NFAT5: variants seen among roughly 807,000 people sequenced by gnomAD.
NFAT5 encodes the protein nuclear factor of activated T-cells 5.
NFAT5 carries 31 observed loss-of-function variants against 166.5 expected under a neutral mutation model. The observed-to-expected ratio is 0.19, with a 90% CI of 0.14 to 0.25. The LOEUF is 0.25. Among genes scored for constraint, NFAT5 ranks in the 10% least tolerant of loss-of-function variants. NFAT5 has a pLI of 1.00. For missense variants in NFAT5, 1,449 were observed against 1,821.8 expected (o/e 0.80, Z 3.72); for synonymous variants, 612 against 639.7 (o/e 0.96, Z 0.65).
At chr16:69,572,442 TA>T (rs2016498223) in intron 2 of NFAT5, among the ~76,000 whole-genome samples, 1 of 139,830 alleles carries the variant, frequency 7.2e-6, no homozygotes, top group Non-Finnish European at 1.5e-5. Context: ...ACATGGTTTA[TA>T]TATTTTTTTT....
chr16:69,631,803 GT>G (rs1478588106), intron 3 of NFAT5, among the ~76,000 whole-genome samples: 2 of 151,992 alleles, frequency 1.3e-5, no homozygotes, highest in Admixed American at 6.6e-5. Context: ...CTTCATAGCA[GT>G]TTTTAACATG....
chr16:69,571,752 T>C (rs192202238), intron 2 of NFAT5, among the ~76,000 whole-genome samples: 2 of 151,570 alleles, frequency 1.3e-5, no homozygotes, highest in African/African-American at 2.4e-5. Flanking sequence ...GTATTATTAT[T>C]ATTATTTATT....
At chr16:69,588,977 C>CTTTTT (rs1409931325) in intron 2 of NFAT5, among the ~76,000 whole-genome samples, 1 of 78,566 alleles carries the variant, frequency 1.3e-5, no homozygotes, top group African/African-American at 4.3e-5. Context: ...TCTTTTCCTA[C>CTTTTT]TTCTTTTTTT....
chr16:69,677,470 G>A lies in NFAT5; in HGVS notation c.1690+135G>A, dbSNP rs920732881. 64 of 683,720 alleles carry A rather than the reference G, an allele frequency of 9.4e-5. No homozygotes were observed. In the African/African-American group the frequency reaches 1.1e-3, roughly 11 times the overall value. 42.4% of individuals were successfully genotyped at this position (683,720 alleles called of 1,614,324 possible). A position where few individuals can be genotyped will look rare whatever the true frequency, so the allele number is the denominator to read the frequency against. ...ATTGATGTTAGTTTCTTTTGGAAAT[G>A]ACATTATTTTCTAAGAGGACAGCCG... On this transcript the variant is annotated intron_variant, in intron 10 of 14. Coordinates refer to ENST00000349945, the MANE Select transcript of NFAT5 (RefSeq NM_138713.4).
chr16:69,687,447 A>AG (rs1555533269), intron 11 of NFAT5, among the ~76,000 whole-genome samples: 4 of 151,880 alleles, frequency 2.6e-5, no homozygotes, highest in Admixed American at 2.6e-4. Context: ...AAAAAAAAAA[A>AG]AAAAAAAAGG....
chr16:69,652,912 C>T (rs577678993), intron 4 of NFAT5, among the ~76,000 whole-genome samples: 2 of 152,274 alleles, frequency 1.3e-5, no homozygotes, highest in East Asian at 3.9e-4. Context: ...GTTATAGTGA[C>T]ATTAGCTATT....
At chr16:69,580,143 T>C (rs1464588228) in intron 2 of NFAT5, among the ~76,000 whole-genome samples, 1 of 152,028 alleles carries the variant, frequency 6.6e-6, no homozygotes, top group Non-Finnish European at 1.5e-5. Flanking sequence ...ACTATTTTAA[T>C]GTAATATGTA....
rs2037594370 is a variant in NFAT5, at chr16:69,692,655, C to T, written c.2830C>T (p.Leu944Phe). 2 of 1,614,126 alleles carry T rather than the reference C, an allele frequency of 1.2e-6. No individual in the cohort carries two copies. Among genetic ancestry groups the T allele is most frequent in the African/African-American group, 2.7e-5 (2 of 74,938 alleles). ...TTCAACTGCTTCAGCAAATGGAAAC[C>T]TTCAGCAATCGCCAGTTTACCAGCA... is the stretch of plus-strand genomic sequence containing the variant. ...FPSTASANGN[L>F]QQSPVYQQTS... The change falls in exon 13 of 15, where the codon CTT (leucine) becomes TTT (phenylalanine). Residue 944 changes from leucine to phenylalanine, a missense_variant. Transcript: ENST00000349945.
intron 6 of NFAT5, among the ~76,000 whole-genome samples, chr16:69,658,513 G>T (rs905704329): frequency 2.0e-5 from 3 of 151,760 alleles, no homozygotes; most frequent in Admixed American, 6.6e-5. Flanking sequence ...GAAAACACAG[G>T]GTAAAAAAAG....
chr16:69,604,152 C>T lies in NFAT5; in HGVS notation c.128-22251C>T, dbSNP rs139315047. Reference sequence around the variant, plus strand: ...TAACTTGTCCAGGGGCACATAGAAGCAAGCAGCAGAGCTGGGATTTAAATG... The same window carrying T: ...TAACTTGTCCAGGGGCACATAGAAGTAAGCAGCAGAGCTGGGATTTAAATG... On this transcript the variant is annotated intron_variant, in intron 2 of 14. Coordinates refer to ENST00000349945, the MANE Select transcript of NFAT5 (RefSeq NM_138713.4). Among the ~76,000 whole-genome samples the T allele has an allele frequency of 6.0e-4, 92 of 152,222 alleles. 1 individual carries two copies. Among genetic ancestry groups the T allele is most frequent in the Middle Eastern group, 3.4e-3 (1 of 294 alleles).
At chr16:69,655,378 A>G (rs1220619084) in intron 5 of NFAT5, among the ~76,000 whole-genome samples, 2 of 152,144 alleles carry the variant, frequency 1.3e-5, no homozygotes, top group African/African-American at 4.8e-5. Context: ...ATCATCTAAC[A>G]TCTAAATTTA....
At chr16:69,650,679 T>C (rs2035626835) in intron 4 of NFAT5, among the ~76,000 whole-genome samples, 1 of 152,282 alleles carries the variant, frequency 6.6e-6, no homozygotes, top group Non-Finnish European at 1.5e-5. Flanking sequence ...AAACTAAAAT[T>C]TTCCCTTTTC....
chr16:69,647,733 A>T lies in NFAT5; in HGVS notation c.812+147A>T. ...ATCATTGAAATACATGAAAATTTTA[A>T]CTTAAAATTACCAACTTTTACTAGA... On this transcript the variant is annotated intron_variant, in intron 4 of 14. Coordinates refer to ENST00000349945, the MANE Select transcript of NFAT5 (RefSeq NM_138713.4). The surrounding 1 kb of genome is among the most constrained non-coding windows in gnomAD (Gnocchi z 4.8). 1.5e-6 allele frequency: 1 copy of T among 675,342 alleles called. No homozygotes were observed. Among genetic ancestry groups the T allele is most frequent in the Non-Finnish European group, 2.4e-6 (1 of 420,450 alleles). 41.8% of individuals were successfully genotyped at this position (675,342 alleles called of 1,614,324 possible).
At chr16:69,607,398 G>A (rs2033470885) in intron 2 of NFAT5, among the ~76,000 whole-genome samples, 1 of 152,160 alleles carries the variant, frequency 6.6e-6, no homozygotes, top group South Asian at 2.1e-4. Flanking sequence ...TGCAAAAAAA[G>A]AGAGATTACA....
chr16:69,581,428 T>C (rs1224858318), intron 2 of NFAT5, among the ~76,000 whole-genome samples: 1 of 152,222 alleles, frequency 6.6e-6, no homozygotes, highest in Non-Finnish European at 1.5e-5. Context: ...TATAGACAGA[T>C]GTTTTCATTT....
intron 3 of NFAT5, among the ~76,000 whole-genome samples, chr16:69,633,470 T>G (rs1424797104): frequency 1.3e-5 from 2 of 152,226 alleles, no homozygotes; most frequent in African/African-American, 4.8e-5. Flanking sequence ...TTCACCTGTT[T>G]CTGGATATTT....
rs750951612 is a variant in NFAT5 at position 69,693,626 on chromosome 16, ACAGCAGCAGCAG to A, written c.3807_3818del (p.Gln1281_Gln1284del). 5.6e-6 allele frequency: 9 copies of A among 1,614,008 alleles called. No individual in the cohort carries two copies. In the South Asian group the frequency reaches 8.8e-5, roughly 16 times the overall value. On this transcript the variant is annotated inframe_deletion, in exon 13 of 15. Coordinates refer to ENST00000349945, the MANE Select transcript of NFAT5 (RefSeq NM_138713.4). Reference sequence around the variant, plus strand: ...TGCAGAGTAACTCTCCATCCCAGGAACAGCAGCAGCAGCAGCAACAGCAGCAGCAACAGCAGC... The same window carrying A: ...TGCAGAGTAACTCTCCATCCCAGGAACAGCAACAGCAGCAGCAACAGCAGC...
At chr16:69,626,854 T>C (rs762754230) in intron 3 of NFAT5, among the ~76,000 whole-genome samples, 70 of 152,170 alleles carry the variant, frequency 4.6e-4, no homozygotes, top group Non-Finnish European at 9.4e-4. Flanking sequence ...AAATTATATT[T>C]GAGTTTCTGT....
intron 2 of NFAT5, among the ~76,000 whole-genome samples, chr16:69,580,680 G>A (rs1168302709): frequency 1.3e-5 from 2 of 152,070 alleles, no homozygotes; most frequent in South Asian, 2.1e-4. Context: ...TTTTGAGATG[G>A]TGTCTCGCTC....
Sources: gnomAD v4.1 joint callset for allele counts (sites outside exome capture counted in the v4.1 genomes callset) on GRCh38, gnomAD v4.1.1 for gene constraint, Gnocchi (gnomAD v3.1) non-coding constraint, MANE v1.5 for transcripts, NCBI Gene and HGNC (gene_info 2026-07-23, HGNC 2026-07-21) for gene names.